The following RGS17 variants were observed in gnomAD, a reference collection of about 807,000 sequenced individuals.
RGS17 encodes regulator of G-protein signaling 17.
In RGS17, 12 loss-of-function variants were observed where a neutral mutation model predicts 25.5. That is an observed-to-expected ratio of 0.47 (90% confidence interval 0.30 to 0.76). The LOEUF is 0.76. Ranked by LOEUF, RGS17 falls within the 30% of genes least tolerant of loss-of-function variation. RGS17 has a pLI of 0.07. For missense variants in RGS17, 196 were observed against 242.2 expected (o/e 0.81, Z 1.27); for synonymous variants, 71 against 76.9 (o/e 0.92, Z 0.40).
intron 1 of RGS17, among the ~76,000 whole-genome samples, chr6:153,103,948 T>A (rs374973828): frequency 6.6e-6 from 1 of 152,354 alleles, no homozygotes; most frequent in African/African-American, 2.4e-5. Flanking sequence ...CCACATCTTA[T>A]TGAACCAAAG....
chr6:153,071,658 TTCTG>T (rs904090825), intron 1 of RGS17, among the ~76,000 whole-genome samples: 2 of 152,144 alleles, frequency 1.3e-5, no homozygotes, highest in Non-Finnish European at 2.9e-5. Context: ...TGTTCTCAAT[TTCTG>T]TCTTTGTTAT....
intron 2 of RGS17, among the ~76,000 whole-genome samples, chr6:153,029,718 G>A (rs950442494): frequency 1.1e-4 from 16 of 152,150 alleles, no homozygotes; most frequent in African/African-American, 3.6e-4. Context: ...AGCTTCCTGA[G>A]TAGCTGGGAT....
intron 1 of RGS17, among the ~76,000 whole-genome samples, chr6:153,116,947 G>T (rs539726536): frequency 6.6e-6 from 1 of 152,208 alleles, no homozygotes; most frequent in East Asian, 1.9e-4. Flanking sequence ...TAGGGGAGGG[G>T]TAGCATTAGG....
rs1335552528 is a variant in RGS17, at chr6:153,060,470, T to C, written c.-25-16427A>G. The stretch of plus-strand genomic sequence containing the variant: ...GCACTGCTCCATCTTCTTTGGCCTG[T>C]AATTCCCTGCTGACTTAGAGTTTTG... On this transcript the variant is annotated intron_variant, in intron 1 of 4. Transcript: ENST00000206262. Among the ~76,000 whole-genome samples the C allele has an allele frequency of 3.3e-5, 5 of 152,206 alleles. No individual in the cohort carries two copies. The East Asian group carries it at 5.8e-4, about 18-fold the overall frequency.
chr6:153,041,713 C>A (rs1010347958), intron 2 of RGS17, among the ~76,000 whole-genome samples: 1 of 152,146 alleles, frequency 6.6e-6, no homozygotes, highest in Non-Finnish European at 1.5e-5. Flanking sequence ...GTCTATTCCT[C>A]AACCCTGTGT....
In RGS17 at chr6:153,054,037, ATATATG is replaced by A. The variant is rs1460845082; in HGVS notation, c.-25-10000_-25-9995del. On this transcript the variant is annotated intron_variant, in intron 1 of 4. Transcript: ENST00000206262. ...ATATATGTATATAATATATATACATATATATGTATATATGTATATAATATATATACA... is the reference window on the plus strand; with the variant it reads ...ATATATGTATATAATATATATACATATATATATGTATATAATATATATACA... 2.6e-4 allele frequency among the ~76,000 whole-genome samples: 18 copies of A among 68,118 alleles called. 3 individuals carry two copies. Among genetic ancestry groups the A allele is most frequent in the African/African-American group, 1.1e-3 (18 of 16,640 alleles). 44.7% of individuals were successfully genotyped at this position (68,118 alleles called of 152,430 possible). A position where few individuals can be genotyped will look rare whatever the true frequency, so the allele number is the denominator to read the frequency against.
chr6:153,089,220 T>C (rs60881297), intron 1 of RGS17, among the ~76,000 whole-genome samples: 1 of 30,684 alleles, frequency 3.3e-5, no homozygotes, highest in African/African-American at 1.1e-4. Context: ...TGCATAGGTA[T>C]ATATGTATAT....
chr6:153,084,591 G>A (rs549303853), intron 1 of RGS17, among the ~76,000 whole-genome samples: 2 of 152,324 alleles, frequency 1.3e-5, no homozygotes, highest in Admixed American at 6.5e-5. Context: ...AGGCTGCAGG[G>A]TTAAGGGAGG....
intron 1 of RGS17, among the ~76,000 whole-genome samples, chr6:153,090,777 T>G (rs1443867959): frequency 1.3e-5 from 2 of 152,164 alleles, no homozygotes; most frequent in South Asian, 2.1e-4. Flanking sequence ...ATATGCTACC[T>G]TCCATCAGTC....
rs1214012268 is a variant in RGS17 at position 153,054,092 on chromosome 6, TTATATATATATATATATATATGTGTATA to T, written c.-25-10077_-25-10050del. 5.7e-3 allele frequency among the ~76,000 whole-genome samples: 238 copies of T among 42,094 alleles called. 28 individuals carry two copies. Among genetic ancestry groups the T allele is most frequent in the Middle Eastern group, 0.023 (1 of 44 alleles). The allele number at this position is 42,094 out of a possible 152,430, so 27.6% of individuals were successfully genotyped here. A position where few individuals can be genotyped will look rare whatever the true frequency, so the allele number is the denominator to read the frequency against. On this transcript the variant is annotated intron_variant, in intron 1 of 4. Coordinates refer to ENST00000206262, the MANE Select transcript of RGS17 (RefSeq NM_012419.5). ...CATATATATATACACACAATATTTT[TTATATATATATATATATATATGTGTATA>T]TATATATATATACAGCTTTATACCA...
At position 153,008,822 on chromosome 6, in the gene RGS17, C is replaced by T. The variant is rs1413694485; in HGVS notation, c.*2752G>A. On this transcript the variant is annotated 3_prime_UTR_variant, in exon 5 of 5. Transcript: ENST00000206262. Reference sequence around the variant, plus strand: ...GTAGCATAGACACCAGTTGAAGGCTCTTTTGTTTATTTATAATAGCTCTGT... The same window carrying T: ...GTAGCATAGACACCAGTTGAAGGCTTTTTTGTTTATTTATAATAGCTCTGT... 1 of 152,114 alleles carries T rather than the reference C, an allele frequency of 6.6e-6. No individual in the cohort carries two copies. Among genetic ancestry groups the T allele is most frequent in the African/African-American group, 2.4e-5 (1 of 41,430 alleles). 9.4% of individuals were successfully genotyped at this position (152,114 alleles called of 1,614,324 possible).
chr6:153,129,994 C>G (rs1435148165), intron 1 of RGS17, among the ~76,000 whole-genome samples: 1 of 152,084 alleles, frequency 6.6e-6, no homozygotes, highest in Non-Finnish European at 1.5e-5. Flanking sequence ...GACCCCGGCT[C>G]GCTCTCCCGG....
At chr6:153,020,753 G>A (rs191744732) in intron 4 of RGS17, among the ~76,000 whole-genome samples, 1 of 152,262 alleles carries the variant, frequency 6.6e-6, no homozygotes, top group East Asian at 1.9e-4. Flanking sequence ...AAATGTTCAT[G>A]TTCTTTAAAA....
chr6:153,065,158 T>C (rs936242541), intron 1 of RGS17, among the ~76,000 whole-genome samples: 6 of 152,152 alleles, frequency 3.9e-5, no homozygotes, highest in Non-Finnish European at 5.9e-5. Flanking sequence ...GCTACACTTA[T>C]ATCAGTCAAA....
intron 1 of RGS17, among the ~76,000 whole-genome samples, chr6:153,118,265 C>T (rs925325650): frequency 6.6e-6 from 1 of 152,202 alleles, no homozygotes; most frequent in Non-Finnish European, 1.5e-5. Flanking sequence ...ATATTACTGC[C>T]TTATTGGCTT....
intron 4 of RGS17, among the ~76,000 whole-genome samples, chr6:153,019,437 T>TGATATCGTTTGGATATCGTTTG (rs1438365256): frequency 6.6e-6 from 1 of 152,222 alleles, no homozygotes; most frequent in Non-Finnish European, 1.5e-5. Flanking sequence ...GTTTGTCTTT[T>TGATATCGTTTGGATATCGTTTG]GATATCGTTT....
intron 2 of RGS17, among the ~76,000 whole-genome samples, chr6:153,037,019 T>C (rs1399082209): frequency 1.3e-5 from 2 of 152,178 alleles, no homozygotes; most frequent in Non-Finnish European, 2.9e-5. Context: ...CTTAATAAGG[T>C]GGAAAAGATA....
chr6:153,022,598 A>C (rs988188068), intron 4 of RGS17, among the ~76,000 whole-genome samples: 1 of 152,164 alleles, frequency 6.6e-6, no homozygotes, highest in African/African-American at 2.4e-5. Flanking sequence ...TGGGGGCAGA[A>C]ATGGGCTTGA....
intron 1 of RGS17, among the ~76,000 whole-genome samples, chr6:153,120,780 C>A (rs12195298): frequency 1.3e-5 from 2 of 152,092 alleles, no homozygotes; most frequent in African/African-American, 2.4e-5. Flanking sequence ...ATATTGTGCA[C>A]AAAATGGTTT....
Sources: allele counts gnomAD v4.1 joint callset (sites outside exome capture counted in the v4.1 genomes callset), GRCh38; gene constraint gnomAD v4.1.1; transcripts MANE v1.5; gene names NCBI Gene and HGNC (gene_info 2026-07-23, HGNC 2026-07-21).